Variants in EML5 observed in about 807,000 individuals in gnomAD.
EML5 encodes echinoderm microtubule-associated protein-like 5.
Under a neutral mutation model 250.0 loss-of-function variants are expected in EML5, and 120 were observed. The ratio of observed to expected loss-of-function variants is 0.48; its 90% CI spans 0.41 to 0.56. EML5 has a LOEUF of 0.56. Among genes scored for constraint, EML5 ranks in the 20% least tolerant of loss-of-function variants. EML5 has a pLI of 0.00. For synonymous variants in EML5, 771 were observed against 806.5 expected (o/e 0.96, Z 0.75); for missense variants, 2,006 against 2,437.6 (o/e 0.82, Z 3.73).
chr14:88,636,134 A>G (rs1047467631), intron 32 of EML5, among the ~76,000 whole-genome samples: 3 of 152,202 alleles, frequency 2.0e-5, no homozygotes, highest in Non-Finnish European at 4.4e-5. Flanking sequence ...GCCACCCCTC[A>G]AGAGTATACA....
At chr14:88,786,174 T>C (rs1436125144) in intron 1 of EML5, among the ~76,000 whole-genome samples, 3 of 152,208 alleles carry the variant, frequency 2.0e-5, no homozygotes, top group African/African-American at 7.2e-5. Context: ...AAGTGTCACC[T>C]TTACAGTGAG....
At chr14:88,629,072 G>C (rs897587113) in intron 33 of EML5, among the ~76,000 whole-genome samples, 3 of 151,870 alleles carry the variant, frequency 2.0e-5, no homozygotes, top group African/African-American at 7.3e-5. Flanking sequence ...AAGAATGTTA[G>C]GTGGCTTAAA....
At chr14:88,740,712 T>C (rs2093912237) in intron 4 of EML5, 140 bp from the exon 5 acceptor site, 1 of 701,830 alleles carries the variant, frequency 1.4e-6, no homozygotes, top group Non-Finnish European at 2.3e-6. Flanking sequence ...TAGCATTCAA[T>C]GTTCAGATTC....
chr14:88,698,878 G>A (rs542929570), intron 14 of EML5, among the ~76,000 whole-genome samples: 5 of 152,216 alleles, frequency 3.3e-5, no homozygotes, highest in African/African-American at 1.2e-4. Flanking sequence ...AGCACCTTAC[G>A]AACATTGACT....
intron 10 of EML5, among the ~76,000 whole-genome samples, chr14:88,706,700 T>C (rs908421346): frequency 6.6e-6 from 1 of 152,208 alleles, no homozygotes; most frequent in African/African-American, 2.4e-5. Context: ...ATTAAAACAT[T>C]TGAATGTTTT....
intron 34 of EML5, 126 bp from the exon 35 acceptor site, chr14:88,627,172 TCTA>T (rs1193770275): frequency 2.4e-6 from 2 of 832,886 alleles, no homozygotes; most frequent in Non-Finnish European, 3.8e-6. Context: ...TGGCCCCTGC[TCTA>T]CTACCTAGCA....
rs2093843048 is a variant in EML5, at chr14:88,736,537, T to C, written c.876A>G (p.Arg292=). The C allele has an allele frequency of 1.2e-6, 2 of 1,613,626 alleles. No individual in the cohort carries two copies. The highest frequency in any genetic ancestry group is 2.7e-5 in the African/African-American group (2 of 74,838). ...KGLSVRSVCW[R]GDHILVGTQD... ...GTGTTCCAACTAGAATGTGGTCACC[T>C]CGCCAACACACACTCCTTACAGACA... Residue 292 remains arginine, a synonymous_variant, in exon 7 of 44, where the codon CGA becomes CGG. Coordinates refer to ENST00000554922, the MANE Select transcript of EML5 (RefSeq NM_183387.3).
chr14:88,622,377 T>C (rs1337852994), intron 37 of EML5: 22 of 375,028 alleles, frequency 5.9e-5, no homozygotes, highest in Non-Finnish European at 1.9e-5. Context: ...TTCTAGAAAA[T>C]ATTGGAGGTT....
intron 21 of EML5, among the ~76,000 whole-genome samples, chr14:88,681,145 A>G (rs1192396979): frequency 1.3e-5 from 2 of 152,242 alleles, no homozygotes; most frequent in Non-Finnish European, 2.9e-5. Flanking sequence ...TATCAAAATT[A>G]ACTAATGGGT....
rs765076474 is a variant in EML5, at chr14:88,618,804, G to A, written c.5384C>T (p.Pro1795Leu). The A allele has an allele frequency of 7.6e-6, 12 of 1,582,490 alleles. No homozygotes were observed. Among genetic ancestry groups the A allele is most frequent in the Admixed American group, 5.4e-5 (3 of 55,300 alleles). The part of the protein sequence containing the change: ...RCAIHDIRFS[P>L]DSRYLAVGSS... ...ACCTACTGCCAGATACCGGGAATCC[G>A]GACTAAATCTGAATCAAAACAAAAC... Residue 1795 changes from proline to leucine, a missense_variant, in exon 40 of 44, where the codon CCG becomes CTG. By Grantham distance (98) the Pro-to-Leu change is moderately conservative. Transcript: ENST00000554922.
intron 7 of EML5, among the ~76,000 whole-genome samples, chr14:88,727,831 G>C (rs2093690979): frequency 6.6e-6 from 1 of 152,154 alleles, no homozygotes; most frequent in South Asian, 2.1e-4. Context: ...ATACAGTCTA[G>C]TGTTTAAAAC....
intron 20 of EML5, 89 bp downstream of exon 20, chr14:88,684,926 T>A (rs1342912973): frequency 8.4e-7 from 1 of 1,188,392 alleles, no homozygotes; most frequent in Non-Finnish European, 1.1e-6. Flanking sequence ...TTTAACATTA[T>A]TTTTCATCAC....
Position 88,695,383 on chromosome 14 carries a change from C to T in EML5, c.2416G>A (p.Gly806Arg). 6.2e-7 allele frequency: 1 copy of T among 1,611,580 alleles called. No homozygotes were observed. The highest frequency in any genetic ancestry group is 8.5e-7 in the Non-Finnish European group (1 of 1,178,936). ...TACCTTGCTATTGAAAGTTTCTCTC[C>T]TTTCTTCCAGTCCCAGAGCACAACA... ...HTVVLWDWKK[G>R]EKLSIARGSK... Residue 806 changes from glycine (G) to arginine (R), a missense_variant, in exon 16 of 44, where the codon GGA becomes AGA. Transcript: ENST00000554922.
chr14:88,649,977 G>A, intron 27 of EML5, 51 bp from the exon 28 acceptor site: 1 of 1,365,428 alleles, frequency 7.3e-7, no homozygotes. Context: ...AAAAATTGAT[G>A]ATGAATAGAA....
Position 88,618,281 on chromosome 14 carries a change from T to C in EML5, c.5589A>G (p.Lys1863=). The C allele has an allele frequency of 1.9e-6, 3 of 1,613,792 alleles. No homozygotes were observed. Among genetic ancestry groups the C allele is most frequent in the Non-Finnish European group, 2.5e-6 (3 of 1,179,844 alleles). ...KRHVYEVPSG[K]HLMDHAAIDR... is the part of the protein sequence containing the mutation. ...CAATAGCGGCATGATCCATAAGATG[T>C]TTTCCTGAAGGCACTTCATAGACAT... Residue 1863 remains lysine (K), a synonymous_variant, in exon 41 of 44, where the codon AAA becomes AAG. Transcript: ENST00000554922.
chr14:88,706,247 C>T lies in EML5; in HGVS notation c.1825+12G>A. 1 of 1,575,738 alleles carries T rather than the reference C, an allele frequency of 6.3e-7. No individual in the cohort carries two copies. The highest frequency in any genetic ancestry group is 8.6e-7 in the Non-Finnish European group (1 of 1,166,690). Reference sequence around the variant, plus strand: ...TGACAGGGAAACTGTTTAGCTAATGCATACTACTCACCTTGGGGTGCTATG... The same window carrying T: ...TGACAGGGAAACTGTTTAGCTAATGTATACTACTCACCTTGGGGTGCTATG... On this transcript the variant is annotated intron_variant, in intron 11 of 43. Coordinates refer to ENST00000554922, the MANE Select transcript of EML5 (RefSeq NM_183387.3).
At chr14:88,780,252 C>T (rs983553060) in intron 1 of EML5, among the ~76,000 whole-genome samples, 1 of 152,136 alleles carries the variant, frequency 6.6e-6, no homozygotes, top group African/African-American at 2.4e-5. Flanking sequence ...CACACCCAGC[C>T]CGTGTTTCTG....
chr14:88,736,614 G>T, intron 6 of EML5, 49 bp from the exon 7 acceptor site: 1 of 1,546,650 alleles, frequency 6.5e-7, no homozygotes, highest in Non-Finnish European at 8.9e-7. Flanking sequence ...AATAATGATA[G>T]CAGCAGGAGG....
chr14:88,657,583 C>G (rs1394173743), intron 26 of EML5, 81 bp from the exon 27 acceptor site: 1 of 1,309,876 alleles, frequency 7.6e-7, no homozygotes, highest in Non-Finnish European at 1.0e-6. Flanking sequence ...CAAAGATGTT[C>G]AACAATATGA....
Sources: gnomAD v4.1 joint callset for allele counts (sites outside exome capture counted in the v4.1 genomes callset) on GRCh38, gnomAD v4.1.1 for gene constraint, MANE v1.5 for transcripts, NCBI Gene and HGNC (gene_info 2026-07-23, HGNC 2026-07-21) for gene names.